The following PCDH15 variants were observed in gnomAD, a reference collection of about 807,000 sequenced individuals.
PCDH15 encodes the protein protocadherin-15.
PCDH15 carries 129 observed loss-of-function variants against 178.5 expected under a neutral mutation model. That is an observed-to-expected ratio of 0.72 (90% CI 0.63 to 0.84). The LOEUF (loss-of-function observed/expected upper bound fraction) is 0.84. PCDH15 is among the 40% of genes least tolerant of loss of function. The probability of loss-of-function intolerance (pLI) is 0.00; values close to 1 mark genes in which losing one functional copy is unlikely to be tolerated. For missense variants in PCDH15, 2,230 were observed against 2,099.9 expected (o/e 1.06, Z -1.21); for synonymous variants, 800 against 732.0 (o/e 1.09, Z -1.50).
intron 2 of PCDH15, among the ~76,000 whole-genome samples, chr10:55,122,746 G>A (rs1324298492): frequency 6.6e-6 from 1 of 152,062 alleles, no homozygotes; most frequent in East Asian, 1.9e-4. Context: ...ATTGGTAGCT[G>A]AACAAATCTT....
intron 2 of PCDH15, among the ~76,000 whole-genome samples, chr10:55,447,898 G>C (rs1043206562): frequency 1.3e-5 from 2 of 151,860 alleles, no homozygotes; most frequent in Non-Finnish European, 2.9e-5. Context: ...TTTCACAGCT[G>C]AAAGTCTGCA....
At chr10:54,644,035 T>A (rs1237212763) in intron 2 of PCDH15, among the ~76,000 whole-genome samples, 1 of 138,066 alleles carries the variant, frequency 7.2e-6, no homozygotes, top group Non-Finnish European at 1.5e-5. Context: ...GTTCTCATTG[T>A]TCAATTCCCA....
chr10:55,617,822 AGTC>A (rs1401769369), intron 2 of PCDH15, among the ~76,000 whole-genome samples: 5 of 152,042 alleles, frequency 3.3e-5, no homozygotes, highest in Non-Finnish European at 7.4e-5. Context: ...ACTCTTTCAC[AGTC>A]ATCAGCTTTT....
chr10:53,839,192 G>C (rs1470712674), intron 29 of PCDH15, among the ~76,000 whole-genome samples: 1 of 104,056 alleles, frequency 9.6e-6, no homozygotes, highest in Non-Finnish European at 1.7e-5. Flanking sequence ...CACAGAGTGA[G>C]TCTCCGTCTC....
intron 3 of PCDH15, among the ~76,000 whole-genome samples, chr10:54,878,952 C>T (rs892643352): frequency 8.6e-5 from 13 of 152,022 alleles, no homozygotes; most frequent in Admixed American, 1.3e-4. Context: ...TATAATGCTT[C>T]GCCGAATTAT....
At chr10:55,266,249 A>C (rs576470326) in intron 1 of PCDH15, among the ~76,000 whole-genome samples, 1 of 152,148 alleles carries the variant, frequency 6.6e-6, no homozygotes, top group East Asian at 1.9e-4. Context: ...CCAAATGGCC[A>C]GGCAATTGGA....
intron 2 of PCDH15, among the ~76,000 whole-genome samples, chr10:54,548,690 C>T (rs2086174917): frequency 6.7e-6 from 1 of 148,266 alleles, no homozygotes; most frequent in African/African-American, 2.5e-5. Context: ...ATATATACAA[C>T]ATTGCTTGGT....
chr10:54,081,983 A>C (rs2094443128), intron 16 of PCDH15, among the ~76,000 whole-genome samples: 2 of 152,166 alleles, frequency 1.3e-5, no homozygotes, highest in African/African-American at 4.8e-5. Flanking sequence ...AATTTGTTTT[A>C]AAAAAAGGTA....
chr10:54,236,158 G>T (rs1308186544), intron 9 of PCDH15, among the ~76,000 whole-genome samples: 1 of 152,088 alleles, frequency 6.6e-6, no homozygotes, highest in Non-Finnish European at 1.5e-5. Flanking sequence ...TGTCTCACAT[G>T]CATCTGTCTG....
intron 2 of PCDH15, among the ~76,000 whole-genome samples, chr10:55,419,610 A>G (rs538316990): frequency 6.6e-6 from 1 of 151,932 alleles, no homozygotes; most frequent in East Asian, 1.9e-4. Context: ...TGGTTTAAAG[A>G]CCCAAAGTCA....
intron 2 of PCDH15, among the ~76,000 whole-genome samples, chr10:55,508,257 G>T (rs1460426759): frequency 1.3e-5 from 2 of 151,700 alleles, no homozygotes; most frequent in African/African-American, 4.8e-5. Context: ...TTGGTTCAAT[G>T]AAATTAGCAT....
intron 1 of PCDH15, among the ~76,000 whole-genome samples, chr10:54,795,192 T>C (rs1340339545): frequency 6.6e-6 from 1 of 151,784 alleles, no homozygotes; most frequent in East Asian, 1.9e-4. Flanking sequence ...AATGGTCCAC[T>C]TTTCCTTGTC....
intron 1 of PCDH15, among the ~76,000 whole-genome samples, chr10:55,201,818 A>G (rs1808929010): frequency 6.6e-6 from 1 of 152,144 alleles, no homozygotes; most frequent in African/African-American, 2.4e-5. Flanking sequence ...TTTCTTTTTT[A>G]AATGAAATAA....
chr10:55,113,088 C>T (rs893744842), intron 2 of PCDH15, among the ~76,000 whole-genome samples: 1 of 152,084 alleles, frequency 6.6e-6, no homozygotes, highest in Non-Finnish European at 1.5e-5. Flanking sequence ...ATGCTGGCAC[C>T]CTTATCTCAA....
At chr10:53,941,122 C>A (rs1050719403) in intron 23 of PCDH15, 147 bp from the exon 24 acceptor site, 2 of 635,338 alleles carry the variant, frequency 3.1e-6, no homozygotes, top group South Asian at 1.9e-5. Flanking sequence ...TGATCAAATC[C>A]CCCACCCAAC....
At position 53,806,131 on chromosome 10, in the gene PCDH15, C is replaced by G. The variant is rs1223713116; in HGVS notation, c.*448G>C. ...TTAAAAATTAGGGCAGTATAGACAGCAGCTGTATAAACTCATTGCCTGTAA... is the reference window on the plus strand; with the variant it reads ...TTAAAAATTAGGGCAGTATAGACAGGAGCTGTATAAACTCATTGCCTGTAA... On this transcript the variant is annotated 3_prime_UTR_variant, in exon 38 of 38. Transcript: ENST00000644397. 6.2e-6 allele frequency: 1 copy of G among 161,186 alleles called. No homozygotes were observed. The highest frequency in any genetic ancestry group is 2.4e-5 in the African/African-American group (1 of 41,454). The allele number at this position is 161,186 out of a possible 1,614,324, so 10.0% of individuals were successfully genotyped here.
At chr10:53,810,066 A>C (rs1388957883) in intron 37 of PCDH15, among the ~76,000 whole-genome samples, 1 of 152,162 alleles carries the variant, frequency 6.6e-6, no homozygotes, top group Non-Finnish European at 1.5e-5. Context: ...TAGTGAAGAC[A>C]AAGTATAAGA....
At chr10:54,856,190 G>A (rs910923278) in intron 3 of PCDH15, among the ~76,000 whole-genome samples, 26 of 152,088 alleles carry the variant, frequency 1.7e-4, no homozygotes, top group African/African-American at 6.0e-4. Context: ...GGGATGCAGA[G>A]GTAAACTCAG....
Position 53,822,457 on chromosome 10 carries a change from A to G in PCDH15, c.4368-2227T>C, listed in dbSNP as rs542243503. The G allele has an allele frequency of 5.6e-6, 9 of 1,599,846 alleles. No individual in the cohort carries two copies. The East Asian group carries it at 6.9e-5, about 12-fold the overall frequency. On this transcript the variant is annotated intron_variant, in intron 32 of 37. Coordinates refer to ENST00000644397, the MANE Select transcript of PCDH15 (RefSeq NM_001384140.1). ...AGAGGAGCAGGAGCAGGAGGAGGAG[A>G]AGGAGGAGAAATAGGAGGAGGAGGG...
Sources: allele counts gnomAD v4.1 joint callset (sites outside exome capture counted in the v4.1 genomes callset), GRCh38; gene constraint gnomAD v4.1.1; transcripts MANE v1.5; gene names NCBI Gene and HGNC (gene_info 2026-07-23, HGNC 2026-07-21).